TAF4: variants seen among roughly 807,000 people sequenced by gnomAD.
TAF4 encodes the protein transcription initiation factor TFIID subunit 4.
Under a neutral mutation model 90.3 loss-of-function variants are expected in TAF4, and 9 were observed. The observed-to-expected ratio is 0.10, with a 90% CI of 0.06 to 0.17. TAF4 has a LOEUF of 0.17. Ranked by LOEUF, TAF4 falls within the 10% of genes least tolerant of loss-of-function variation. The probability of loss-of-function intolerance (pLI) is 1.00; values close to 1 mark genes in which losing one functional copy is unlikely to be tolerated. For missense variants in TAF4, 1,351 were observed against 1,370.7 expected (o/e 0.99, Z 0.23); for synonymous variants, 818 against 638.9 (o/e 1.28, Z -4.23).
intron 14 of TAF4, among the ~76,000 whole-genome samples, chr20:61,984,117 G>C (rs2055567369): frequency 6.6e-6 from 1 of 152,186 alleles, no homozygotes; most frequent in African/African-American, 2.4e-5. Context: ...ACAAAACTAA[G>C]CCAGCAGCCG....
intron 5 of TAF4, chr20:62,008,823 G>A (rs973494823): frequency 3.4e-5 from 15 of 443,702 alleles, no homozygotes; most frequent in African/African-American, 1.2e-4. Flanking sequence ...GGCAAAGCCC[G>A]GGAGACCTCC....
chr20:62,012,828 G>A lies in TAF4; in HGVS notation c.1628C>T (p.Ser543Leu), dbSNP rs761827702. 113 of 1,612,148 alleles carry A rather than the reference G, an allele frequency of 7.0e-5. No individual in the cohort carries two copies. The highest frequency in any genetic ancestry group is 1.0e-4 in the Admixed American group (6 of 59,600). Residue 543 changes from serine to leucine, a missense_variant, in exon 3 of 15, where the codon TCG (serine) becomes TTG (leucine). This residue lies in a region of TAF4 where 143 missense variants were observed against 176.3 expected (regional missense o/e 0.81). Transcript: ENST00000252996. ...CTGCCCTCTCACCTGGACGCCGGGC[G>A]AGCGCTGCAGGGTTGCACTGGGCTG... ...TVQPSATLQR[S>L]PGVQPQLVLG... is the part of the protein sequence containing the mutation.
chr20:61,977,749 G>A (rs574994032), intron 14 of TAF4, among the ~76,000 whole-genome samples: 4 of 152,206 alleles, frequency 2.6e-5, no homozygotes, highest in South Asian at 2.1e-4. Flanking sequence ...AAAGTGATCC[G>A]CACCTGAGGG....
chr20:61,984,327 G>A (rs773412208), intron 14 of TAF4, among the ~76,000 whole-genome samples: 2 of 152,162 alleles, frequency 1.3e-5, no homozygotes, highest in Non-Finnish European at 2.9e-5. Flanking sequence ...GCAACAGGGG[G>A]ACTTGGCAAA....
intron 1 of TAF4, among the ~76,000 whole-genome samples, chr20:62,060,653 T>C (rs556605263): frequency 3.9e-5 from 6 of 152,342 alleles, no homozygotes; most frequent in African/African-American, 1.2e-4. Context: ...TTTTTCTTTG[T>C]TCTTTTCAAA....
At chr20:62,032,508 A>C (rs1244897135) in intron 1 of TAF4, among the ~76,000 whole-genome samples, 1 of 152,248 alleles carries the variant, frequency 6.6e-6, no homozygotes, top group Non-Finnish European at 1.5e-5. Context: ...TGCTGTCTGC[A>C]GAGGATGGGC....
chr20:62,035,563 G>A (rs916333145), intron 1 of TAF4, among the ~76,000 whole-genome samples: 3 of 139,956 alleles, frequency 2.1e-5, no homozygotes, highest in Admixed American at 7.3e-5. Flanking sequence ...CCCCATGCCA[G>A]GAGGATTACA....
At chr20:62,031,866 C>T (rs1048947326) in intron 1 of TAF4, among the ~76,000 whole-genome samples, 2 of 152,160 alleles carry the variant, frequency 1.3e-5, no homozygotes, top group Non-Finnish European at 2.9e-5. Context: ...GGGAAGGCCC[C>T]GTGGAACAGC....
At chr20:62,050,681 G>C (rs946031946) in intron 1 of TAF4, among the ~76,000 whole-genome samples, 6 of 152,186 alleles carry the variant, frequency 3.9e-5, no homozygotes, top group Non-Finnish European at 8.8e-5. Context: ...GGCCCGCCCG[G>C]GAGGGCACAC....
At chr20:62,050,664 C>G (rs550486358) in intron 1 of TAF4, among the ~76,000 whole-genome samples, 3 of 152,218 alleles carry the variant, frequency 2.0e-5, no homozygotes, top group Non-Finnish European at 2.9e-5. Context: ...GGCTCCGGAA[C>G]AGCAGAGGCC....
chr20:62,000,097 C>T (rs552176863), intron 11 of TAF4, 27 bp downstream of exon 11: 7 of 1,614,180 alleles, frequency 4.3e-6, no homozygotes, highest in Middle Eastern at 1.7e-4. Flanking sequence ...AACATAAAGA[C>T]GCTCTCCTCG....
chr20:62,055,355 T>C (rs2056057262), intron 1 of TAF4, among the ~76,000 whole-genome samples: 1 of 151,042 alleles, frequency 6.6e-6, no homozygotes, highest in African/African-American at 2.4e-5. Context: ...ATACGATCGA[T>C]TCACACTGCC....
At chr20:62,049,261 C>T (rs2056012615) in intron 1 of TAF4, among the ~76,000 whole-genome samples, 2 of 152,154 alleles carry the variant, frequency 1.3e-5, no homozygotes, top group South Asian at 4.1e-4. Context: ...CCAGGCTGAG[C>T]TTCTGTGCGA....
chr20:62,027,402 T>C (rs556090528), intron 1 of TAF4, among the ~76,000 whole-genome samples: 189 of 152,348 alleles, frequency 1.2e-3, no homozygotes, highest in African/African-American at 4.4e-3. Flanking sequence ...ATTCGGTGAC[T>C]GTTTTGTGAT....
At chr20:61,991,513 T>C (rs1265123837) in intron 14 of TAF4, among the ~76,000 whole-genome samples, 1 of 151,664 alleles carries the variant, frequency 6.6e-6, no homozygotes, top group African/African-American at 2.4e-5. Context: ...GTGGGAGGAC[T>C]GCTTGAACCC....
chr20:61,995,687 C>T (rs2055659096), intron 14 of TAF4, among the ~76,000 whole-genome samples: 1 of 27,186 alleles, frequency 3.7e-5, no homozygotes, highest in Non-Finnish European at 7.1e-5. Flanking sequence ...CAAGGTGAAA[C>T]CCCGTCTCTA....
At chr20:62,033,353 G>A (rs572977021) in intron 1 of TAF4, among the ~76,000 whole-genome samples, 4 of 152,188 alleles carry the variant, frequency 2.6e-5, no homozygotes, top group Non-Finnish European at 5.9e-5. Flanking sequence ...TAAATAATAG[G>A]AAGGCATTTG....
intron 1 of TAF4, among the ~76,000 whole-genome samples, chr20:62,056,776 A>C (rs998479199): frequency 6.6e-6 from 1 of 152,198 alleles, no homozygotes; most frequent in African/African-American, 2.4e-5. Context: ...TCTTCTTTAC[A>C]GTTTACTTCC....
At chr20:62,046,295 T>C (rs563631855) in intron 1 of TAF4, among the ~76,000 whole-genome samples, 2 of 152,260 alleles carry the variant, frequency 1.3e-5, no homozygotes, top group South Asian at 2.1e-4. Context: ...TGGGCAAATG[T>C]ATACAGTTGT....
Sources: allele counts gnomAD v4.1 joint callset (sites outside exome capture counted in the v4.1 genomes callset), GRCh38; gene constraint gnomAD v4.1.1; regional missense constraint gnomAD v4.1.1; transcripts MANE v1.5; gene names NCBI Gene and HGNC (gene_info 2026-07-23, HGNC 2026-07-21).